KCNIP4: variants seen among roughly 807,000 people sequenced by gnomAD.
KCNIP4 encodes the protein Kv channel-interacting protein 4.
Under a neutral mutation model 34.0 loss-of-function variants are expected in KCNIP4, and 12 were observed. That is an observed-to-expected ratio of 0.35 (90% CI 0.23 to 0.57). The LOEUF (loss-of-function observed/expected upper bound fraction) is 0.57. Ranked by LOEUF, KCNIP4 falls within the 20% of genes least tolerant of loss-of-function variation. The probability of loss-of-function intolerance (pLI) is 0.83; values close to 1 mark genes in which losing one functional copy is unlikely to be tolerated. For missense variants in KCNIP4, 238 were observed against 311.7 expected (o/e 0.76, Z 1.78); for synonymous variants, 124 against 102.2 (o/e 1.21, Z -1.29).
At chr4:21,528,331 C>T (rs1179270806) in intron 1 of KCNIP4, among the ~76,000 whole-genome samples, 1 of 151,996 alleles carries the variant, frequency 6.6e-6, no homozygotes, top group Non-Finnish European at 1.5e-5. Flanking sequence ...AGCGACAGTT[C>T]ATGTTGATTT....
chr4:21,619,746 G>T (rs1744876559), intron 1 of KCNIP4, among the ~76,000 whole-genome samples: 1 of 152,190 alleles, frequency 6.6e-6, no homozygotes, highest in South Asian at 2.1e-4. Context: ...GACTTTAGCT[G>T]GTATGACGGA....
intron 1 of KCNIP4, among the ~76,000 whole-genome samples, chr4:21,171,671 C>G (rs972219595): frequency 2.0e-5 from 3 of 152,100 alleles, no homozygotes; most frequent in African/African-American, 7.2e-5. Context: ...TTCTTTTTAG[C>G]TTGGTGACCT....
intron 1 of KCNIP4, among the ~76,000 whole-genome samples, chr4:21,554,880 T>C (rs1738868787): frequency 6.6e-6 from 1 of 152,194 alleles, no homozygotes; most frequent in South Asian, 2.1e-4. Flanking sequence ...CACTGCACAC[T>C]AGGTACTGAA....
intron 3 of KCNIP4, among the ~76,000 whole-genome samples, chr4:20,841,746 C>G (rs1258130947): frequency 2.1e-5 from 2 of 97,092 alleles, no homozygotes; most frequent in Non-Finnish European, 4.7e-5. Flanking sequence ...CCAGGGCCAT[C>G]TTAAAAAAAA....
At chr4:20,937,041 A>G (rs1731140086) in intron 1 of KCNIP4, among the ~76,000 whole-genome samples, 1 of 151,974 alleles carries the variant, frequency 6.6e-6, no homozygotes, top group African/African-American at 2.4e-5. Context: ...CAGGTTTGGC[A>G]TTATGAAAGG....
intron 1 of KCNIP4, among the ~76,000 whole-genome samples, chr4:21,212,638 TG>T (rs1257266447): frequency 6.6e-6 from 1 of 152,144 alleles, no homozygotes; most frequent in East Asian, 1.9e-4. Flanking sequence ...CTGGCAGATA[TG>T]GCATCTGGTG....
At chr4:21,080,352 T>A (rs1266727634) in intron 1 of KCNIP4, among the ~76,000 whole-genome samples, 1 of 151,966 alleles carries the variant, frequency 6.6e-6, no homozygotes, top group Non-Finnish European at 1.5e-5. Flanking sequence ...AAGTGTACGC[T>A]AATATTTTCA....
intron 1 of KCNIP4, among the ~76,000 whole-genome samples, chr4:21,365,058 C>A (rs960345017): frequency 6.6e-6 from 1 of 152,002 alleles, no homozygotes; most frequent in Non-Finnish European, 1.5e-5. Context: ...GGAGTTTTCT[C>A]CTAAGGGTTT....
At chr4:21,264,016 G>T (rs552369338) in intron 1 of KCNIP4, among the ~76,000 whole-genome samples, 1 of 151,712 alleles carries the variant, frequency 6.6e-6, no homozygotes, top group African/African-American at 2.4e-5. Flanking sequence ...GTAGACATTG[G>T]CTATATAGCC....
At chr4:21,768,104 C>A (rs993453137) in intron 1 of KCNIP4, among the ~76,000 whole-genome samples, 6 of 151,922 alleles carry the variant, frequency 3.9e-5, no homozygotes, top group African/African-American at 9.7e-5. Flanking sequence ...GCCGATAAAC[C>A]GCCAAGCAAG....
At chr4:21,563,277 TTC>T (rs1739599949) in intron 1 of KCNIP4, among the ~76,000 whole-genome samples, 1 of 152,088 alleles carries the variant, frequency 6.6e-6, no homozygotes, top group Admixed American at 6.6e-5. Flanking sequence ...GTTTTAAACT[TTC>T]TGTGTGTTTG....
intron 1 of KCNIP4, among the ~76,000 whole-genome samples, chr4:21,554,565 A>G (rs1435462638): frequency 6.6e-6 from 1 of 152,134 alleles, no homozygotes; most frequent in Non-Finnish European, 1.5e-5. Context: ...AGTTTGTCCT[A>G]CCATGTCTTT....
At chr4:21,917,079 G>A (rs950675349) in intron 1 of KCNIP4, among the ~76,000 whole-genome samples, 3 of 152,100 alleles carry the variant, frequency 2.0e-5, no homozygotes, top group African/African-American at 7.2e-5. Flanking sequence ...CGACTAGTGT[G>A]ATCATGTCAT....
intron 1 of KCNIP4, among the ~76,000 whole-genome samples, chr4:21,499,466 C>A (rs1485907560): frequency 2.0e-5 from 3 of 151,850 alleles, no homozygotes. Context: ...TCTGTGGTAG[C>A]ATAAATGCTG....
chr4:21,340,715 A>G (rs1380485506), intron 1 of KCNIP4, among the ~76,000 whole-genome samples: 1 of 152,174 alleles, frequency 6.6e-6, no homozygotes, highest in East Asian at 1.9e-4. Context: ...TCAGAACACA[A>G]ACTTCTCAGA....
At chr4:21,622,088 T>C (rs1745033037) in intron 1 of KCNIP4, among the ~76,000 whole-genome samples, 1 of 152,200 alleles carries the variant, frequency 6.6e-6, no homozygotes, top group South Asian at 2.1e-4. Flanking sequence ...TGCGAAGTTA[T>C]TGTATCCTTT....
intron 3 of KCNIP4, among the ~76,000 whole-genome samples, chr4:20,793,044 T>C (rs12651250): frequency 0.042 from 6,444 of 152,228 alleles, 220 homozygotes; most frequent in East Asian, 0.2. Flanking sequence ...ACCAACCCTG[T>C]GATTTAGACA....
rs917044798 is a variant in KCNIP4 at position 21,572,712 on chromosome 4, GC to G, written c.61+375858del. On this transcript the variant is annotated intron_variant, in intron 1 of 8. Coordinates refer to ENST00000382152, the MANE Select transcript of KCNIP4 (RefSeq NM_025221.6). ...ATGACCTCAGCTCACTGCAACCTCT[GC>G]CTCCTGAGTTCAAGTGATTCTTGTG... Among the ~76,000 whole-genome samples, 26 of 149,412 alleles carry G rather than the reference GC, an allele frequency of 1.7e-4. 1 individual carries two copies. The East Asian group carries it at 2.4e-3, about 14-fold the overall frequency.
chr4:20,916,290 G>A lies in KCNIP4; in HGVS notation c.62-33581C>T, dbSNP rs906458505. On this transcript the variant is annotated intron_variant, in intron 1 of 8. Transcript: ENST00000382152. Reference sequence around the variant, plus strand: ...ACCTCCACCCACATTTCCTGCCCACGTAACCTCAGAGTGGCTTTTTAGAAG... The same window carrying A: ...ACCTCCACCCACATTTCCTGCCCACATAACCTCAGAGTGGCTTTTTAGAAG... The A allele has an allele frequency of 2.9e-5, 29 of 983,436 alleles. No homozygotes were observed. The South Asian group carries it at 6.6e-4, about 22-fold the overall frequency. 60.9% of individuals were successfully genotyped at this position (983,436 alleles called of 1,614,324 possible). A position where few individuals can be genotyped will look rare whatever the true frequency, so the allele number is the denominator to read the frequency against.
Sources: gnomAD v4.1 joint callset for allele counts (sites outside exome capture counted in the v4.1 genomes callset) on GRCh38, gnomAD v4.1.1 for gene constraint, MANE v1.5 for transcripts, NCBI Gene and HGNC (gene_info 2026-07-23, HGNC 2026-07-21) for gene names.